The following PLS3 variants were observed in gnomAD, a reference collection of about 807,000 sequenced individuals.
The protein encoded by PLS3 is plastin 3, also known as plastin-3.
A neutral mutation model predicts 46.5 loss-of-function variants in PLS3; 11 were observed. The observed-to-expected ratio is 0.24, with a 90% CI of 0.15 to 0.39. The LOEUF (loss-of-function observed/expected upper bound fraction) is 0.39. PLS3 is among the 10% of genes least tolerant of loss of function. The pLI is 1.00. For missense variants in PLS3, 308 were observed against 461.8 expected, an observed-to-expected ratio of 0.67 and a Z score of 3.05; for synonymous variants, 167 against 162.2, an observed-to-expected ratio of 1.03 and a Z score of -0.22.
At chrX:115,561,816 G>C (rs782304139) in intron 1 of PLS3, among the ~76,000 whole-genome samples, 1 of 111,562 alleles carries the variant, frequency 9.0e-6, no homozygotes, top group Non-Finnish European at 1.9e-5. Context: ...GAGAGGGGGG[G>C]CCGTGGCCGA....
chrX:115,575,380 C>A lies in PLS3; in HGVS notation c.-9+14120C>A, dbSNP rs1233183893. Among the ~76,000 whole-genome samples, 7 of 112,174 alleles carry A rather than the reference C, an allele frequency of 6.2e-5. No individual in the cohort carries two copies. The Admixed American group carries it at 6.6e-4, about 11-fold the overall frequency. On this transcript the variant is annotated intron_variant, in intron 1 of 15. Transcript: ENST00000355899. Reference sequence around the variant, plus strand: ...CAAGATAACATTTCACTTATTACCACTCTGCTCTTAATATAAATCCTTGCT... The same window carrying A: ...CAAGATAACATTTCACTTATTACCAATCTGCTCTTAATATAAATCCTTGCT...
At chrX:115,585,623 C>T (rs1264036288) in intron 1 of PLS3, among the ~76,000 whole-genome samples, 1 of 110,846 alleles carries the variant, frequency 9.0e-6, no homozygotes, top group Non-Finnish European at 1.9e-5. Context: ...AACTCCTGAC[C>T]TCGTGATTTG....
chrX:115,571,472 C>T (rs782710669), intron 1 of PLS3, among the ~76,000 whole-genome samples: 91 of 104,582 alleles, frequency 8.7e-4, no homozygotes, highest in Admixed American at 1.7e-3. Flanking sequence ...GAGCCAAGAT[C>T]GTGCCACTTC....
Position 115,574,359 on chromosome X carries a change from AT to A in PLS3, c.-9+13101del, listed in dbSNP as rs1462888641. 3.6e-5 allele frequency among the ~76,000 whole-genome samples: 4 copies of A among 112,152 alleles called. No homozygotes were observed. In the Admixed American group the frequency reaches 3.8e-4, roughly 11 times the overall value. Reference sequence around the variant, plus strand: ...AGGAAATCAGTGATTTATGAATTACATTGCATAAAATACATAATGATGGGAG... The same window carrying A: ...AGGAAATCAGTGATTTATGAATTACATGCATAAAATACATAATGATGGGAG... On this transcript the variant is annotated intron_variant, in intron 1 of 15. Transcript: ENST00000355899.
At chrX:115,586,712 T>C (rs1456167254) in intron 1 of PLS3, among the ~76,000 whole-genome samples, 1 of 109,838 alleles carries the variant, frequency 9.1e-6, no homozygotes, top group Non-Finnish European at 1.9e-5. Flanking sequence ...AACAACATTG[T>C]ACATGTTATG....
chrX:115,636,457 C>T (rs1476306578), intron 7 of PLS3, among the ~76,000 whole-genome samples: 2 of 111,313 alleles, frequency 1.8e-5, no homozygotes, highest in East Asian at 5.7e-4. Flanking sequence ...CCGCCCGCCT[C>T]GGCCTCCCAA....
chrX:115,597,817 C>T (rs997623144), intron 1 of PLS3, among the ~76,000 whole-genome samples: 5 of 111,579 alleles, frequency 4.5e-5, no homozygotes, highest in Non-Finnish European at 9.4e-5. Flanking sequence ...AATAATGCCT[C>T]ATGAGAAAAT....
intron 2 of PLS3, among the ~76,000 whole-genome samples, chrX:115,621,730 A>G (rs2074657466): frequency 8.9e-6 from 1 of 112,011 alleles, no homozygotes; most frequent in South Asian, 3.7e-4. Flanking sequence ...TTTGTCTTGA[A>G]TTAATGTTTG....
In PLS3 at chrX:115,631,033, T is replaced by A. The variant is rs782232506; in HGVS notation, c.500+1066T>A. On this transcript the variant is annotated intron_variant, in intron 5 of 15. Transcript: ENST00000355899. ...GTATATATTATACATATATGTTATA[T>A]ATAATATAACATTATATATATATAT... is the stretch of plus-strand genomic sequence containing the variant. Among the ~76,000 whole-genome samples the A allele has an allele frequency of 4.8e-3, 450 of 94,137 alleles. 7 individuals carry two copies. Among genetic ancestry groups the A allele is most frequent in the African/African-American group, 0.019 (439 of 22,982 alleles). The allele number at this position is 94,137 out of a possible 115,157, so 81.7% of individuals were successfully genotyped here.
chrX:115,649,649 A>G lies in PLS3; in HGVS notation c.*88A>G. ...CAGGTGAAGTGCTTATGGCTTAAGG[A>G]ACTCTTGGCCATTCAAAGGACTTTT... On this transcript the variant is annotated 3_prime_UTR_variant, in exon 16 of 16. Transcript: ENST00000355899. 2.3e-6 allele frequency: 2 copies of G among 861,370 alleles called. No individual in the cohort carries two copies. Among genetic ancestry groups the G allele is most frequent in the Non-Finnish European group, 3.3e-6 (2 of 612,587 alleles). The allele number at this position is 861,370 out of a possible 1,213,427, so 71.0% of individuals were successfully genotyped here.
At position 115,646,413 on chromosome X, in the gene PLS3, C is replaced by T. The variant is rs1556641709; in HGVS notation, c.1389C>T (p.Cys463=). The T allele has an allele frequency of 8.3e-7, 1 of 1,209,615 alleles. No individual in the cohort carries two copies. Among genetic ancestry groups the T allele is most frequent in the Admixed American group, 2.2e-5 (1 of 45,884 alleles). The part of the protein sequence containing the change: ...LGANMKKLEN[C]NYAVELGKHP... ...TTGTGCCTTTGCAGCTAGAAAACTG[C>T]AACTATGCTGTTGAATTAGGGAAGC... The change falls in exon 13 of 16, where the codon TGC becomes TGT. Residue 463 remains cysteine (C), a synonymous_variant. Coordinates refer to ENST00000355899, the MANE Select transcript of PLS3 (RefSeq NM_005032.7).
intron 1 of PLS3, among the ~76,000 whole-genome samples, chrX:115,572,077 G>A (rs1260128429): frequency 1.8e-5 from 2 of 111,951 alleles, no homozygotes; most frequent in Non-Finnish European, 1.9e-5. Flanking sequence ...ATCATTAAGT[G>A]TAACTAACAG....
chrX:115,589,110 G>A (rs1423539416), intron 1 of PLS3, among the ~76,000 whole-genome samples: 4 of 110,329 alleles, frequency 3.6e-5, no homozygotes, highest in African/African-American at 6.6e-5. Context: ...TGGGACTACA[G>A]GCGACAGCCA....
At chrX:115,642,099 G>A (rs1362034808) in intron 9 of PLS3, among the ~76,000 whole-genome samples, 3 of 95,741 alleles carry the variant, frequency 3.1e-5, no homozygotes, top group African/African-American at 1.2e-4. Context: ...GGCTGGTTTC[G>A]AACTCCTGGG....
At chrX:115,635,094 C>T (rs781985315) in intron 7 of PLS3, 48 bp downstream of exon 7, 13 of 1,087,739 alleles carry the variant, frequency 1.2e-5, no homozygotes, top group Non-Finnish European at 1.6e-5. Context: ...TTATTTTTTT[C>T]TAGTCATGCA....
At chrX:115,643,705 T>G (rs1388963924) in intron 10 of PLS3, among the ~76,000 whole-genome samples, 197 bp downstream of exon 10, 1 of 112,165 alleles carries the variant, frequency 8.9e-6, no homozygotes, top group East Asian at 2.8e-4. Context: ...GCACGGTGGC[T>G]CACAGCTGTA....
intron 1 of PLS3, among the ~76,000 whole-genome samples, chrX:115,577,339 C>G (rs1213590234): frequency 9.0e-6 from 1 of 111,680 alleles, no homozygotes; most frequent in Non-Finnish European, 1.9e-5. Context: ...ATATTCAACC[C>G]AGAGTAGTCA....
chrX:115,625,395 T>G (rs2074700253), intron 3 of PLS3, among the ~76,000 whole-genome samples: 1 of 110,154 alleles, frequency 9.1e-6, no homozygotes, highest in African/African-American at 3.3e-5. Flanking sequence ...AAAATTAAAT[T>G]TAATACCCTG....
In PLS3 at chrX:115,646,129, T is replaced by C; in HGVS notation, c.1320T>C (p.Val440=). 8.4e-7 allele frequency: 1 copy of C among 1,197,165 alleles called. No individual in the cohort carries two copies. The highest frequency in any genetic ancestry group is 1.1e-6 in the Non-Finnish European group (1 of 883,110). ...TATATGAACGAATTAAAGTTCCTGT[T>C]GACTGGAGTAAGGTTAATAAACCTC... ...LQLYERIKVP[V]DWSKVNKPPY... Residue 440 remains valine (V), a synonymous_variant, in exon 12 of 16, where the codon GTT becomes GTC. Coordinates refer to ENST00000355899, the MANE Select transcript of PLS3 (RefSeq NM_005032.7).
Sources: allele counts gnomAD v4.1 joint callset (sites outside exome capture counted in the v4.1 genomes callset), GRCh38; gene constraint gnomAD v4.1.1; transcripts MANE v1.5; gene names NCBI Gene and HGNC (gene_info 2026-07-23, HGNC 2026-07-21).